MOB1B: variants seen among roughly 807,000 people sequenced by gnomAD.
MOB1B encodes the protein MOB1 Mps One Binder homolog B.
A neutral mutation model predicts 24.4 loss-of-function variants in MOB1B; 19 were observed. The ratio of observed to expected loss-of-function variants is 0.78; its 90% CI spans 0.54 to 1.14. The LOEUF is 1.14. MOB1B is among the 50% of genes most tolerant of loss of function. The pLI, the probability that MOB1B is intolerant of heterozygous loss-of-function variation, is 0.00. For missense variants in MOB1B, 243 were observed against 259.6 expected (o/e 0.94, Z 0.44); for synonymous variants, 76 against 82.1 (o/e 0.93, Z 0.40).
intron 4 of MOB1B, chr4:70,976,720 T>G: frequency 2.4e-6 from 2 of 820,548 alleles, no homozygotes; most frequent in South Asian, 5.6e-5. Flanking sequence ...TGGAACTTTT[T>G]TAATAAAAGA....
intron 1 of MOB1B, among the ~76,000 whole-genome samples, chr4:70,942,236 C>T (rs1411049992): frequency 6.6e-6 from 1 of 152,012 alleles, no homozygotes; most frequent in Non-Finnish European, 1.5e-5. Flanking sequence ...CTTTTGTGTA[C>T]ATATTACCAA....
chr4:70,943,773 C>G (rs2148886308), intron 1 of MOB1B, among the ~76,000 whole-genome samples: 1 of 152,194 alleles, frequency 6.6e-6, no homozygotes, highest in South Asian at 2.1e-4. Flanking sequence ...TCAGTTATAT[C>G]AAGCTATAAC....
chr4:70,953,297 G>T lies in MOB1B; in HGVS notation c.15-5577G>T, dbSNP rs142305554. On this transcript the variant is annotated intron_variant, in intron 1 of 5. Transcript: ENST00000309395. ...CATTATTGACCACCACCATTCCCCGGTTGGGTGGATTCTGGTAGGAGAAGA... is the reference window on the plus strand; with the variant it reads ...CATTATTGACCACCACCATTCCCCGTTTGGGTGGATTCTGGTAGGAGAAGA... 8.4e-3 allele frequency among the ~76,000 whole-genome samples: 1,275 copies of T among 152,212 alleles called. 8 individuals are homozygous for T. Among genetic ancestry groups the T allele is most frequent in the Non-Finnish European group, 1.0e-2 (679 of 68,010 alleles).
chr4:70,944,641 AT>A (rs1447228744), intron 1 of MOB1B, among the ~76,000 whole-genome samples: 1 of 152,180 alleles, frequency 6.6e-6, no homozygotes, highest in African/African-American at 2.4e-5. Flanking sequence ...TACAGGAAGC[AT>A]CGTGGCATCA....
intron 1 of MOB1B, among the ~76,000 whole-genome samples, chr4:70,907,147 T>C (rs973698047): frequency 3.3e-5 from 5 of 152,170 alleles, no homozygotes; most frequent in Admixed American, 1.3e-4. Flanking sequence ...ATTTTGGAGC[T>C]AGCAGGGGTC....
chr4:70,916,124 G>A (rs1044490275), intron 1 of MOB1B, among the ~76,000 whole-genome samples: 2 of 152,188 alleles, frequency 1.3e-5, no homozygotes, highest in Non-Finnish European at 2.9e-5. Flanking sequence ...CCTAGTGCAT[G>A]AGATTAGTCC....
chr4:70,903,462 T>C (rs1478137774), intron 1 of MOB1B, among the ~76,000 whole-genome samples: 1 of 152,114 alleles, frequency 6.6e-6, no homozygotes, highest in Non-Finnish European at 1.5e-5. Context: ...AAGCCTCAGG[T>C]CCTCTGAAAA....
intron 1 of MOB1B, among the ~76,000 whole-genome samples, chr4:70,914,307 A>G (rs1049496266): frequency 2.6e-5 from 4 of 152,228 alleles, no homozygotes; most frequent in South Asian, 2.1e-4. Context: ...CAGTGTGGAT[A>G]TAAGGATTCC....
At chr4:70,920,376 C>T (rs749589780) in intron 1 of MOB1B, among the ~76,000 whole-genome samples, 36 of 152,234 alleles carry the variant, frequency 2.4e-4, no homozygotes, top group Non-Finnish European at 1.8e-4. Context: ...AGGCGTGCCC[C>T]GCCATGCCTG....
chr4:70,931,793 C>T (rs144883870), intron 1 of MOB1B, among the ~76,000 whole-genome samples: 1 of 152,214 alleles, frequency 6.6e-6, no homozygotes, highest in Non-Finnish European at 1.5e-5. Context: ...TGCAGTGGGG[C>T]GATGGTAGTT....
chr4:70,964,519 A>G (rs893129837), intron 2 of MOB1B, among the ~76,000 whole-genome samples: 7 of 152,226 alleles, frequency 4.6e-5, no homozygotes, highest in African/African-American at 1.4e-4. Context: ...TGTTAGAGGA[A>G]ATTTAGAGCC....
At chr4:70,974,291 A>G (rs1268380627) in intron 3 of MOB1B, among the ~76,000 whole-genome samples, 1 of 152,008 alleles carries the variant, frequency 6.6e-6, no homozygotes, top group Non-Finnish European at 1.5e-5. Flanking sequence ...TTTAGTAGAG[A>G]TGGGGTTTCA....
At chr4:70,906,779 C>T (rs1027953854) in intron 1 of MOB1B, among the ~76,000 whole-genome samples, 4 of 152,132 alleles carry the variant, frequency 2.6e-5, no homozygotes, top group South Asian at 4.1e-4. Context: ...ATGGTAGATA[C>T]GGAAACTTCA....
At chr4:70,955,266 G>C (rs1737994244) in intron 1 of MOB1B, among the ~76,000 whole-genome samples, 1 of 151,996 alleles carries the variant, frequency 6.6e-6, no homozygotes. Flanking sequence ...ATGTACTCTT[G>C]CCAGCCATTT....
Position 70,979,277 on chromosome 4 carries a change from A to AT in MOB1B, c.567dup (p.Val190CysfsTer8), listed in dbSNP as rs778232663. The AT allele has an allele frequency of 3.1e-6, 5 of 1,611,908 alleles. No homozygotes were observed. Among genetic ancestry groups the AT allele is most frequent in the Non-Finnish European group, 2.5e-6 (3 of 1,179,132 alleles). On this transcript the variant is annotated frameshift_variant, in exon 5 of 6. Transcript: ENST00000309395. LOFTEE classifies it high-confidence loss of function. ...TCTAAATACATCTTTCAAGCACTTT[A>AT]TTTTTTTTGTCCAGGTAAGTTGGAT...
intron 1 of MOB1B, among the ~76,000 whole-genome samples, chr4:70,918,844 A>C (rs1244518080): frequency 1.3e-5 from 2 of 151,276 alleles, no homozygotes; most frequent in Non-Finnish European, 2.9e-5. Flanking sequence ...TCATGCTGCT[A>C]TAAAGACACA....
At chr4:70,935,236 A>G (rs892844138) in intron 1 of MOB1B, among the ~76,000 whole-genome samples, 16 of 152,214 alleles carry the variant, frequency 1.1e-4, no homozygotes, top group African/African-American at 3.1e-4. Context: ...TACAGCCTAC[A>G]TGGAGATTAA....
At chr4:70,954,046 T>G (rs1039606586) in intron 1 of MOB1B, among the ~76,000 whole-genome samples, 2 of 152,132 alleles carry the variant, frequency 1.3e-5, no homozygotes, top group African/African-American at 4.8e-5. Flanking sequence ...CCTGAACCTT[T>G]CAGCGTAGCA....
rs151235342 is a variant in MOB1B at position 70,973,025 on chromosome 4, G to C, written c.276-2128G>C. 2.0e-5 allele frequency among the ~76,000 whole-genome samples: 3 copies of C among 152,106 alleles called. No homozygotes were observed. The East Asian group carries it at 5.8e-4, about 29-fold the overall frequency. Reference sequence around the variant, plus strand: ...CCTGACCTCATGATCCGCCCGCCTCGGCCTCCCAAAGTGCTGGCATTACAG... The same window carrying C: ...CCTGACCTCATGATCCGCCCGCCTCCGCCTCCCAAAGTGCTGGCATTACAG... On this transcript the variant is annotated intron_variant, in intron 3 of 5. Coordinates refer to ENST00000309395, the MANE Select transcript of MOB1B (RefSeq NM_173468.4).
Sources: allele counts gnomAD v4.1 joint callset (sites outside exome capture counted in the v4.1 genomes callset), GRCh38; gene constraint gnomAD v4.1.1; transcripts MANE v1.5; gene names NCBI Gene and HGNC (gene_info 2026-07-23, HGNC 2026-07-21).